Variants in ANKRD12 observed in about 807,000 individuals in gnomAD.
ANKRD12 encodes the protein ankyrin repeat domain 12.
A neutral mutation model predicts 183.4 loss-of-function variants in ANKRD12; 85 were observed. The observed-to-expected ratio is 0.46, with a 90% CI of 0.39 to 0.56. The LOEUF (loss-of-function observed/expected upper bound fraction) is 0.56. ANKRD12 is among the 20% of genes least tolerant of loss of function. The pLI is 0.00. For synonymous variants in ANKRD12, 914 were observed against 800.2 expected, an observed-to-expected ratio of 1.14 and a Z score of -2.40; for missense variants, 2,405 against 2,357.1, an observed-to-expected ratio of 1.02 and a Z score of -0.42.
At chr18:9,153,900 T>C (rs2029979702) in intron 1 of ANKRD12, among the ~76,000 whole-genome samples, 1 of 152,198 alleles carries the variant, frequency 6.6e-6, no homozygotes, top group Non-Finnish European at 1.5e-5. Flanking sequence ...GAAGAGTTCT[T>C]TATTTCAACC....
chr18:9,143,353 A>G (rs1270505388), intron 1 of ANKRD12, among the ~76,000 whole-genome samples: 1 of 152,316 alleles, frequency 6.6e-6, no homozygotes, highest in African/African-American at 2.4e-5. Context: ...CAATTCACTA[A>G]TATATTTATA....
At chr18:9,259,188 C>T (rs1181480284) in intron 9 of ANKRD12, among the ~76,000 whole-genome samples, 1 of 152,116 alleles carries the variant, frequency 6.6e-6, no homozygotes, top group Non-Finnish European at 1.5e-5. Flanking sequence ...CTATAAAGAA[C>T]AAATTTAAAT....
intron 1 of ANKRD12, among the ~76,000 whole-genome samples, chr18:9,145,622 A>G (rs2078468252): frequency 6.6e-6 from 1 of 152,028 alleles, no homozygotes; most frequent in Non-Finnish European, 1.5e-5. Context: ...TGAATGAATG[A>G]GAATCACCTC....
At chr18:9,227,331 C>G (rs976861184) in intron 8 of ANKRD12, among the ~76,000 whole-genome samples, 15 of 152,064 alleles carry the variant, frequency 9.9e-5, no homozygotes, top group African/African-American at 3.4e-4. Context: ...TTAAATTATA[C>G]AAATAACTAA....
At chr18:9,157,913 A>C (rs970941262) in intron 1 of ANKRD12, among the ~76,000 whole-genome samples, 1 of 152,144 alleles carries the variant, frequency 6.6e-6, no homozygotes, top group Non-Finnish European at 1.5e-5. Context: ...AATCATGAGA[A>C]GTCAAAGAAC....
chr18:9,154,609 G>A (rs1261652032), intron 1 of ANKRD12, among the ~76,000 whole-genome samples: 1 of 152,196 alleles, frequency 6.6e-6, no homozygotes, highest in African/African-American at 2.4e-5. Flanking sequence ...AGATGGGGGT[G>A]TGTATAAGGT....
intron 8 of ANKRD12, among the ~76,000 whole-genome samples, chr18:9,226,494 C>G (rs2036720597): frequency 6.6e-6 from 1 of 152,174 alleles, no homozygotes; most frequent in Non-Finnish European, 1.5e-5. Context: ...TCAGTTCCTG[C>G]CCCTCCCACT....
chr18:9,223,546 G>A (rs2036541522), intron 8 of ANKRD12, among the ~76,000 whole-genome samples: 1 of 152,088 alleles, frequency 6.6e-6, no homozygotes, highest in Admixed American at 6.5e-5. Context: ...TCAGGAAATA[G>A]TGCATGACAA....
chr18:9,206,134 T>G (rs1258638537), intron 4 of ANKRD12, among the ~76,000 whole-genome samples: 1 of 152,086 alleles, frequency 6.6e-6, no homozygotes, highest in Admixed American at 6.6e-5. Context: ...TTGAATAGTC[T>G]TTAAGTGAAT....
chr18:9,208,639 A>G lies in ANKRD12; in HGVS notation c.305-18A>G. On this transcript the variant is annotated intron_variant, in intron 4 of 12. Coordinates refer to ENST00000262126, the MANE Select transcript of ANKRD12 (RefSeq NM_015208.5). ...TTGGATTTGTTTCAAATTCTTACATATTTGTTAATAATTCCAGAGAAAGAA... is the reference window on the plus strand; with the variant it reads ...TTGGATTTGTTTCAAATTCTTACATGTTTGTTAATAATTCCAGAGAAAGAA... The G allele has an allele frequency of 6.3e-7, 1 of 1,587,692 alleles. No homozygotes were observed. The highest frequency in any genetic ancestry group is 1.4e-5 in the African/African-American group (1 of 73,262).
At chr18:9,272,289 A>G (rs1568003826) in intron 10 of ANKRD12, among the ~76,000 whole-genome samples, 1 of 152,186 alleles carries the variant, frequency 6.6e-6, no homozygotes, top group Non-Finnish European at 1.5e-5. Context: ...TTGGCCGGGC[A>G]TGGTGGCTCA....
At chr18:9,273,414 T>C (rs1269041077) in intron 10 of ANKRD12, among the ~76,000 whole-genome samples, 1 of 152,210 alleles carries the variant, frequency 6.6e-6, no homozygotes, top group Non-Finnish European at 1.5e-5. Flanking sequence ...ATATTCATTA[T>C]AAAACTGCCA....
intron 1 of ANKRD12, among the ~76,000 whole-genome samples, chr18:9,177,750 C>T (rs911655867): frequency 1.3e-5 from 2 of 152,178 alleles, no homozygotes; most frequent in African/African-American, 2.4e-5. Context: ...CGTACCCTTC[C>T]TAGCCTCTGG....
At chr18:9,171,531 T>G (rs1013836499) in intron 1 of ANKRD12, among the ~76,000 whole-genome samples, 2 of 152,198 alleles carry the variant, frequency 1.3e-5, no homozygotes, top group African/African-American at 4.8e-5. Flanking sequence ...CACTCGTCTG[T>G]GTACTTCAGT....
Position 9,146,065 on chromosome 18 carries a change from A to G in ANKRD12, c.-52+9100A>G, listed in dbSNP as rs189354647. 5.9e-5 allele frequency among the ~76,000 whole-genome samples: 9 copies of G among 152,370 alleles called. No individual in the cohort carries two copies. In the East Asian group the frequency reaches 1.3e-3, roughly 23 times the overall value. ...TGAAATAGGTCTCTTCAAAAAGGCC[A>G]AGAATCACTGAAATGTAGGTTCAGT... On this transcript the variant is annotated intron_variant, in intron 1 of 12. Transcript: ENST00000262126.
At chr18:9,203,885 G>A (rs757285980) in intron 3 of ANKRD12, among the ~76,000 whole-genome samples, 6 of 152,170 alleles carry the variant, frequency 3.9e-5, no homozygotes, top group East Asian at 1.9e-4. Flanking sequence ...GATTACAGGC[G>A]TGAGCCACTG....
intron 9 of ANKRD12, 48 bp from the exon 10 acceptor site, chr18:9,263,742 T>C (rs1034201129): frequency 4.4e-6 from 6 of 1,355,094 alleles, no homozygotes; most frequent in Non-Finnish European, 5.9e-6. Context: ...TAGCCCATTA[T>C]TGTAAATAAA....
intron 8 of ANKRD12, among the ~76,000 whole-genome samples, chr18:9,236,473 A>T (rs140763611): frequency 6.2e-4 from 94 of 152,368 alleles, no homozygotes; most frequent in African/African-American, 2.2e-3. Context: ...TTCTGAGCTT[A>T]AAACTCAGTT....
At chr18:9,210,054 T>C in intron 5 of ANKRD12, among the ~76,000 whole-genome samples, 1 of 152,114 alleles carries the variant, frequency 6.6e-6, no homozygotes, top group Admixed American at 6.5e-5. Context: ...AATACTGTTC[T>C]GCAGTTGGTC....
Sources: gnomAD v4.1 joint callset for allele counts (sites outside exome capture counted in the v4.1 genomes callset) on GRCh38, gnomAD v4.1.1 for gene constraint, MANE v1.5 for transcripts, NCBI Gene and HGNC (gene_info 2026-07-23, HGNC 2026-07-21) for gene names.